The following DGAT2L6 variants were observed in gnomAD, a reference collection of about 807,000 sequenced individuals.
DGAT2L6 encodes diacylglycerol O-acyltransferase 2 like 6.
Under a neutral mutation model 25.5 loss-of-function variants are expected in DGAT2L6, and 22 were observed. The ratio of observed to expected loss-of-function variants is 0.86; its 90% CI spans 0.62 to 1.23. The LOEUF (loss-of-function observed/expected upper bound fraction) is 1.23, where lower values mean the gene tolerates loss of function less well. Among genes scored for constraint, DGAT2L6 ranks in the 50% most tolerant of loss-of-function variants. The pLI is 0.00. For missense variants in DGAT2L6, 287 were observed against 253.2 expected, an observed-to-expected ratio of 1.13 and a Z score of -0.91; for synonymous variants, 100 against 94.7, an observed-to-expected ratio of 1.06 and a Z score of -0.32.
At chrX:70,183,117 G>T (rs1483604651) in intron 1 of DGAT2L6, among the ~76,000 whole-genome samples, 1 of 112,510 alleles carries the variant, frequency 8.9e-6, no homozygotes, top group African/African-American at 3.2e-5. Flanking sequence ...TCCCTCTCCT[G>T]CTCAAAAATA....
chrX:70,205,016 C>T lies in DGAT2L6; in HGVS notation c.924C>T (p.His308=), dbSNP rs759956701. 5 of 1,204,776 alleles carry T rather than the reference C, an allele frequency of 4.2e-6. No individual in the cohort carries two copies. The highest frequency in any genetic ancestry group is 3.0e-5 in the East Asian group (1 of 33,596). ...RPNQKTVDKY[H]ALYISALRKL... is the part of the protein sequence containing the mutation. ...ACCAGAAGACAGTAGACAAGTATCA[C>T]GCACTCTACATCAGTGCCCTGCGCA... Residue 308 remains histidine (H), a synonymous_variant, in exon 7 of 7, where the codon CAC becomes CAT. Transcript: ENST00000333026.
intron 1 of DGAT2L6, among the ~76,000 whole-genome samples, chrX:70,188,038 A>G (rs1205909909): frequency 8.9e-6 from 1 of 111,977 alleles, no homozygotes; most frequent in African/African-American, 3.2e-5. Flanking sequence ...TAAATAAACT[A>G]TGCCATGTGA....
intron 1 of DGAT2L6, among the ~76,000 whole-genome samples, chrX:70,194,985 A>G (rs1315798577): frequency 8.9e-6 from 1 of 112,048 alleles, no homozygotes; most frequent in Admixed American, 9.4e-5. Flanking sequence ...TTTGCAAACC[A>G]TATCTCTTAT....
chrX:70,190,217 A>G (rs1421632680), intron 1 of DGAT2L6, among the ~76,000 whole-genome samples: 1 of 112,272 alleles, frequency 8.9e-6, no homozygotes, highest in East Asian at 2.8e-4. Flanking sequence ...CGGTGTAGGA[A>G]AATTTGATGT....
chrX:70,198,410 C>A (rs1262033806), intron 1 of DGAT2L6, among the ~76,000 whole-genome samples: 1 of 111,713 alleles, frequency 9.0e-6, no homozygotes, highest in Admixed American at 9.5e-5. Flanking sequence ...TGCTTTGTTG[C>A]CCAGGCTGGT....
intron 1 of DGAT2L6, among the ~76,000 whole-genome samples, chrX:70,180,286 TA>T (rs1459321816): frequency 9.1e-6 from 1 of 110,089 alleles, no homozygotes; most frequent in Non-Finnish European, 1.9e-5. Context: ...CCATCTCTAC[TA>T]AAAATAGAAA....
chrX:70,199,401 T>C lies in DGAT2L6; in HGVS notation c.196+20T>C, dbSNP rs773277427. The stretch of plus-strand genomic sequence containing the variant: ...GTCAAGGTAAGAGACAGGGGCACAA[T>C]GGTGGTCCTGTTTGGGCCAAGAATG... On this transcript the variant is annotated intron_variant, in intron 2 of 6. Coordinates refer to ENST00000333026, the MANE Select transcript of DGAT2L6 (RefSeq NM_198512.3). 3 of 1,107,635 alleles carry C rather than the reference T, an allele frequency of 2.7e-6. No homozygotes were observed. The highest frequency in any genetic ancestry group is 2.6e-5 in the Admixed American group (1 of 38,142). 91.3% of individuals were successfully genotyped at this position (1,107,635 alleles called of 1,213,427 possible).
intron 1 of DGAT2L6, among the ~76,000 whole-genome samples, chrX:70,188,191 A>G (rs2085365199): frequency 1.8e-5 from 2 of 111,925 alleles, no homozygotes; most frequent in Admixed American, 9.4e-5. Context: ...GCTAGTAATC[A>G]TTAGCAATTT....
chrX:70,200,853 C>A (rs1329355228), intron 4 of DGAT2L6, among the ~76,000 whole-genome samples: 1 of 111,935 alleles, frequency 8.9e-6, no homozygotes, highest in Non-Finnish European at 1.9e-5. Context: ...GTCAGCTGGC[C>A]TCTTTGGGCC....
At chrX:70,189,630 A>C (rs1286785844) in intron 1 of DGAT2L6, among the ~76,000 whole-genome samples, 1 of 111,914 alleles carries the variant, frequency 8.9e-6, no homozygotes, top group African/African-American at 3.2e-5. Context: ...ATAAATATTA[A>C]ATTTCCCAAA....
intron 2 of DGAT2L6, 118 bp downstream of exon 2, chrX:70,199,499 G>C (rs41310629): frequency 0.043 from 20,446 of 479,592 alleles, 340 homozygotes; most frequent in South Asian, 0.078. Flanking sequence ...GAAGGGGAGG[G>C]AGAAGGGAGA....
At chrX:70,199,522 A>G in intron 2 of DGAT2L6, 141 bp downstream of exon 2, 1 of 486,216 alleles carries the variant, frequency 2.1e-6, no homozygotes, top group Non-Finnish European at 3.5e-6. Flanking sequence ...AAAGCTCAGC[A>G]GGGACAGAGG....
intron 1 of DGAT2L6, among the ~76,000 whole-genome samples, chrX:70,184,282 C>T (rs1270874633): frequency 9.1e-6 from 1 of 110,209 alleles, no homozygotes; most frequent in Non-Finnish European, 1.9e-5. Flanking sequence ...AAATTGACTA[C>T]TTGGAGCCCA....
rs1023515619 is a variant in DGAT2L6, at chrX:70,188,220, CTT to C, written c.85+10559_85+10560del. 6.3e-5 allele frequency among the ~76,000 whole-genome samples: 7 copies of C among 111,184 alleles called. 1 individual carries two copies. The highest frequency in any genetic ancestry group is 1.3e-4 in the Non-Finnish European group (7 of 52,975). ...GCAATTTGAGGCTGTACAGGTTTAA[CTT>C]TTTTTAAAGTCAGGATCAGGGATAA... On this transcript the variant is annotated intron_variant, in intron 1 of 6. Transcript: ENST00000333026.
intron 1 of DGAT2L6, among the ~76,000 whole-genome samples, chrX:70,188,739 A>G (rs1430959573): frequency 3.6e-5 from 4 of 111,120 alleles, no homozygotes; most frequent in African/African-American, 1.3e-4. Context: ...ATATTAACAA[A>G]TTGAATCCAG....
chrX:70,202,098 G>T, intron 5 of DGAT2L6, 34 bp downstream of exon 5: 1 of 1,123,012 alleles, frequency 8.9e-7, no homozygotes, highest in Non-Finnish European at 1.2e-6. Context: ...CTGTTGTCAG[G>T]GTGCCATAGG....
intron 1 of DGAT2L6, among the ~76,000 whole-genome samples, chrX:70,179,847 C>T (rs992359319): frequency 1.3e-4 from 14 of 110,483 alleles, no homozygotes; most frequent in African/African-American, 4.6e-4. Flanking sequence ...GCTGGGATTA[C>T]CGGCATGAGC....
At chrX:70,200,095 C>T (rs1300787742) in intron 3 of DGAT2L6, among the ~76,000 whole-genome samples, 160 bp from the exon 4 acceptor site, 1 of 111,707 alleles carries the variant, frequency 9.0e-6, no homozygotes. Flanking sequence ...GCCTCTCTGA[C>T]CATCGTGAGC....
chrX:70,205,141 G>A lies in DGAT2L6; in HGVS notation c.*35G>A, dbSNP rs377674091. The A allele has an allele frequency of 4.4e-6, 5 of 1,140,231 alleles. No individual in the cohort carries two copies. The East Asian group carries it at 1.3e-4, about 29-fold the overall frequency. 94.0% of individuals were successfully genotyped at this position (1,140,231 alleles called of 1,213,427 possible). On this transcript the variant is annotated 3_prime_UTR_variant, in exon 7 of 7. Coordinates refer to ENST00000333026, the MANE Select transcript of DGAT2L6 (RefSeq NM_198512.3). The stretch of plus-strand genomic sequence containing the variant: ...CATTCCCCATTGATCAACCCCCAAA[G>A]CCATGAGGGATCCAAGTAGAGCCAC...
Sources: gnomAD v4.1 joint callset for allele counts (sites outside exome capture counted in the v4.1 genomes callset) on GRCh38, gnomAD v4.1.1 for gene constraint, MANE v1.5 for transcripts, NCBI Gene and HGNC (gene_info 2026-07-23, HGNC 2026-07-21) for gene names.